The following NCOR2 variants were observed in gnomAD, a reference collection of about 807,000 sequenced individuals.
The protein encoded by NCOR2 is CTG repeat protein 26.
Under a neutral mutation model 262.9 loss-of-function variants are expected in NCOR2, and 81 were observed. The ratio of observed to expected loss-of-function variants is 0.31; its 90% CI spans 0.26 to 0.37. The LOEUF (loss-of-function observed/expected upper bound fraction) is 0.37. NCOR2 is among the 10% of genes least tolerant of loss of function. The pLI is 1.00. For missense variants in NCOR2, 3,385 were observed against 3,621.4 expected, an observed-to-expected ratio of 0.93 and a Z score of 1.68; for synonymous variants, 1,659 against 1,559.3, an observed-to-expected ratio of 1.06 and a Z score of -1.51.
At chr12:124,476,489 G>T (rs2047104386) in intron 3 of NCOR2, among the ~76,000 whole-genome samples, 1 of 152,196 alleles carries the variant, frequency 6.6e-6, no homozygotes, top group Non-Finnish European at 1.5e-5. Context: ...ATGGGGGCCA[G>T]GCCACCCTAA....
At chr12:124,387,848 C>T (rs1029355689) in intron 16 of NCOR2, among the ~76,000 whole-genome samples, 15 of 144,532 alleles carry the variant, frequency 1.0e-4, no homozygotes, top group African/African-American at 3.8e-4. Flanking sequence ...ACCCGGCACC[C>T]GGGTGGGAGA....
intron 6 of NCOR2, among the ~76,000 whole-genome samples, chr12:124,453,997 GACCCACAGC>G (rs1555225265): frequency 6.6e-6 from 1 of 152,204 alleles, no homozygotes; most frequent in Non-Finnish European, 1.5e-5. Flanking sequence ...TGGACTCTGT[GACCCACAGC>G]ACCTCAGGCC....
chr12:124,325,095 CTGGCCGCCT>C (rs1349622405), exon 47 of NCOR2: 2 of 258,392 alleles, frequency 7.7e-6, no homozygotes, highest in East Asian at 1.3e-4. Flanking sequence ...CCTGGCCGCC[CTGGCCGCCT>C]GCGTGTGGCT....
intron 44 of NCOR2, among the ~76,000 whole-genome samples, chr12:124,330,627 G>A (rs544251433): frequency 2.6e-5 from 4 of 152,246 alleles, no homozygotes; most frequent in Non-Finnish European, 5.9e-5. Flanking sequence ...CTTAACTCCA[G>A]AGATTCCCTG....
At chr12:124,340,620 T>A (rs763171711) in exon 35 of NCOR2, 7 of 1,495,720 alleles carry the variant, frequency 4.7e-6, no homozygotes, top group Non-Finnish European at 4.4e-6. Context: ...AGTGGGGAGC[T>A]GCTGTGGCGG....
upstream of NCOR2, chr12:124,539,638 G>C (rs894099954): frequency 1.4e-4 from 21 of 152,446 alleles, no homozygotes; most frequent in African/African-American, 4.8e-4. The surrounding 1 kb of genome is among the most constrained non-coding windows in gnomAD (Gnocchi z 5.1). Context: ...CAGTTCCAAG[G>C]CTCCCCTCTG....
chr12:124,538,422 G>A (rs1310892138), upstream of NCOR2: 1 of 152,770 alleles, frequency 6.5e-6, no homozygotes, highest in Non-Finnish European at 1.5e-5. Flanking sequence ...GCGAGGACTG[G>A]GCTGAGGTGG....
chr12:124,487,666 C>T (rs987546755), intron 1 of NCOR2, among the ~76,000 whole-genome samples: 3 of 152,234 alleles, frequency 2.0e-5, no homozygotes, highest in African/African-American at 4.8e-5. Flanking sequence ...CCGTATTTGG[C>T]GCTGAGCCTG....
intron 16 of NCOR2, among the ~76,000 whole-genome samples, chr12:124,396,255 A>G (rs1203351732): frequency 6.6e-6 from 1 of 152,194 alleles, no homozygotes; most frequent in Non-Finnish European, 1.5e-5. Flanking sequence ...GGAACTAGGC[A>G]GTGGTGAGGG....
rs2052230237 is a variant in NCOR2, at chr12:124,566,156, A to G, written c.-165+1152T>C. ...TCCCTCCCTCACACATCCTTCCTCC[A>G]AATCTGCAAAAAGGGAAAAATAATA... On this transcript the variant is annotated intron_variant, in intron 1 of 32. Coordinates refer to the NCOR2 transcript ENST00000458234. This position sits in a 1 kb window ranked among gnomAD's most constrained non-coding sequence, Gnocchi z 4.3. 6.6e-6 allele frequency among the ~76,000 whole-genome samples: 1 copy of G among 151,392 alleles called. No homozygotes were observed. The highest frequency in any genetic ancestry group is 2.4e-5 in the African/African-American group (1 of 41,236).
At chr12:124,544,406 C>G (rs933528655) in intron 1 of NCOR2, among the ~76,000 whole-genome samples, 1 of 152,250 alleles carries the variant, frequency 6.6e-6, no homozygotes, top group Non-Finnish European at 1.5e-5. Flanking sequence ...CCGGGCTGCC[C>G]GCCCAGGAGC....
chr12:124,474,734 C>A (rs1296781538), intron 3 of NCOR2, among the ~76,000 whole-genome samples: 1 of 152,176 alleles, frequency 6.6e-6, no homozygotes, highest in Non-Finnish European at 1.5e-5. Flanking sequence ...GGCTCTGAGC[C>A]TGGCATACCG....
At chr12:124,388,784 G>T (rs992231420) in intron 16 of NCOR2, 2 of 1,303,066 alleles carry the variant, frequency 1.5e-6, no homozygotes, top group Non-Finnish European at 2.0e-6. Context: ...CAGGCTGGGC[G>T]GCCGCGGTCG....
intron 27 of NCOR2, among the ~76,000 whole-genome samples, chr12:124,350,974 T>A (rs2037401503): frequency 6.6e-6 from 1 of 152,242 alleles, no homozygotes; most frequent in Non-Finnish European, 1.5e-5. Flanking sequence ...GGGTGCTCTC[T>A]ATGGATTTGC....
chr12:124,509,694 G>A (rs1375640245), intron 1 of NCOR2, among the ~76,000 whole-genome samples: 1 of 152,134 alleles, frequency 6.6e-6, no homozygotes, highest in Admixed American at 6.5e-5. Flanking sequence ...CAGGAGCCAG[G>A]GAGAGGCCTG....
At chr12:124,386,712 G>A (rs1180564090) in intron 16 of NCOR2, among the ~76,000 whole-genome samples, 2 of 152,194 alleles carry the variant, frequency 1.3e-5, no homozygotes, top group Admixed American at 6.5e-5. Context: ...TAGTTTCAAG[G>A]CCACAAACAC....
rs773084952 is a variant in NCOR2, at chr12:124,422,565, G to A, written c.1329-10C>T. ...GGGATGCTGCATGAACCTGCGGGACGAGAAGGGTGGGCGTGAGACCTGGCC... is the reference window on the plus strand; with the variant it reads ...GGGATGCTGCATGAACCTGCGGGACAAGAAGGGTGGGCGTGAGACCTGGCC... On this transcript the variant is annotated splice_polypyrimidine_tract_variant and intron_variant, in intron 11 of 46. Transcript: ENST00000405201. The A allele has an allele frequency of 2.5e-5, 40 of 1,613,690 alleles. No homozygotes were observed. Among genetic ancestry groups the A allele is most frequent in the African/African-American group, 4.0e-5 (3 of 74,946 alleles).
chr12:124,433,665 G>A (rs1194573517), intron 8 of NCOR2, among the ~76,000 whole-genome samples: 1 of 152,144 alleles, frequency 6.6e-6, no homozygotes, highest in Non-Finnish European at 1.5e-5. Flanking sequence ...TGTAGCCTGT[G>A]CCTATGTCCA....
At position 124,503,207 on chromosome 12, in the gene NCOR2, A is replaced by G. The variant is rs1007233894; in HGVS notation, c.-117-7839T>C. ...AGCATCTGTTATGTGCAAACACTGT[A>G]CAAGCACAGCTACAGCAGTGACCAA... On this transcript the variant is annotated intron_variant, in intron 1 of 46. Transcript: ENST00000404621. The surrounding 1 kb of genome is among the most constrained non-coding windows in gnomAD (Gnocchi z 4.3). Among the ~76,000 whole-genome samples the G allele has an allele frequency of 6.6e-6, 1 of 152,236 alleles. No homozygotes were observed. Among genetic ancestry groups the G allele is most frequent in the African/African-American group, 2.4e-5 (1 of 41,462 alleles).
Sources: allele counts gnomAD v4.1 joint callset (sites outside exome capture counted in the v4.1 genomes callset), GRCh38; gene constraint gnomAD v4.1.1; non-coding constraint Gnocchi (gnomAD v3.1); transcripts MANE v1.5; gene names NCBI Gene and HGNC (gene_info 2026-07-23, HGNC 2026-07-21).